Variants in C1orf162 observed in about 807,000 individuals in gnomAD.
The protein encoded by C1orf162 is transmembrane protein C1orf162.
Under a neutral mutation model 11.4 loss-of-function variants are expected in C1orf162, and 10 were observed. The ratio of observed to expected loss-of-function variants is 0.88; its 90% CI spans 0.54 to 1.48. The LOEUF is 1.48. Among genes scored for constraint, C1orf162 ranks in the 40% most tolerant of loss-of-function variants. The pLI, the probability that C1orf162 is intolerant of heterozygous loss-of-function variation, is 0.00. For synonymous variants in C1orf162, 53 were observed against 55.0 expected, an observed-to-expected ratio of 0.96 and a Z score of 0.16; for missense variants, 140 against 149.5, an observed-to-expected ratio of 0.94 and a Z score of 0.33.
chr1:111,476,960 C>T, intron 3 of C1orf162, 93 bp downstream of exon 3: 1 of 1,357,266 alleles, frequency 7.4e-7, no homozygotes. Flanking sequence ...GGCAGGGAGA[C>T]TGGGGAGAAA....
At chr1:111,476,254 C>T (rs1254269055) in intron 2 of C1orf162, among the ~76,000 whole-genome samples, 189 bp downstream of exon 2, 1 of 152,098 alleles carries the variant, frequency 6.6e-6, no homozygotes, top group African/African-American at 2.4e-5. Flanking sequence ...CTGCCTGGCC[C>T]TCCAAATCTG....
At chr1:111,476,192 C>T in intron 2 of C1orf162, 127 bp downstream of exon 2, 2 of 939,436 alleles carry the variant, frequency 2.1e-6, no homozygotes, top group Non-Finnish European at 3.4e-6. Flanking sequence ...TCCAATTTTA[C>T]CAGGACACAG....
Position 111,476,081 on chromosome 1 carries a change from G to T in C1orf162, c.37+16G>T. On this transcript the variant is annotated intron_variant, in intron 2 of 5. Coordinates refer to ENST00000369718, the MANE Select transcript of C1orf162 (RefSeq NM_001300834.2). ...CCCGACACTGGTGAGTTTACGACAG[G>T]AATAATTACCTGCCTCACGTCTGAG... is the stretch of plus-strand genomic sequence containing the variant. 1 of 1,609,666 alleles carries T rather than the reference G, an allele frequency of 6.2e-7. No homozygotes were observed. The highest frequency in any genetic ancestry group is 1.1e-5 in the South Asian group (1 of 90,956).
intron 4 of C1orf162, 61 bp downstream of exon 4, chr1:111,477,489 C>T: frequency 6.5e-7 from 1 of 1,536,330 alleles, no homozygotes; most frequent in South Asian, 1.1e-5. Context: ...CTAGAATTAG[C>T]TATGAGTGAG....
At chr1:111,477,009 C>A in intron 3 of C1orf162, 142 bp downstream of exon 3, 1 of 918,002 alleles carries the variant, frequency 1.1e-6, no homozygotes, top group Non-Finnish European at 1.7e-6. Context: ...AGTTTGTGAT[C>A]TCAGGAGTAT....
At chr1:111,476,110 A>C in intron 2 of C1orf162, 45 bp downstream of exon 2, 1 of 1,567,652 alleles carries the variant, frequency 6.4e-7, no homozygotes, top group Non-Finnish European at 8.8e-7. Flanking sequence ...GTCTGAGTTA[A>C]AATAACTAGA....
chr1:111,475,270 TATCTC>T (rs1653953110), intron 1 of C1orf162: 1 of 152,170 alleles, frequency 6.6e-6, no homozygotes, highest in African/African-American at 2.4e-5. Context: ...TAAAAAGAAA[TATCTC>T]AAGTAGCTTT....
intron 2 of C1orf162, 52 bp downstream of exon 2, chr1:111,476,117 T>G: frequency 6.4e-7 from 1 of 1,556,212 alleles, no homozygotes; most frequent in East Asian, 2.3e-5. Flanking sequence ...TTAAAATAAC[T>G]AGAAATTGTG....
chr1:111,478,037 T>A lies in C1orf162; in HGVS notation c.307T>A (p.Ser103Thr), dbSNP rs1372558797. 5.0e-6 allele frequency: 8 copies of A among 1,613,964 alleles called. No individual in the cohort carries two copies. ...LTYASTTFKL[S>T]EEKSNHLAEN... ...CTATGCCAGCACAACTTTCAAACTC[T>A]CAGAAGAAAAGAGCAATCACTTGGC... Residue 103 changes from serine (S) to threonine (T), a missense_variant, in exon 6 of 6, where the codon TCA becomes ACA. Coordinates refer to ENST00000369718, the MANE Select transcript of C1orf162 (RefSeq NM_001300834.2).
intron 3 of C1orf162, 185 bp downstream of exon 3, chr1:111,477,052 A>G: frequency 1.5e-6 from 1 of 680,530 alleles, no homozygotes; most frequent in Non-Finnish European, 2.5e-6. Flanking sequence ...AAGCTTCAAG[A>G]GATCCATGGA....
intron 3 of C1orf162, 185 bp downstream of exon 3, chr1:111,477,052 A>T: frequency 1.5e-6 from 1 of 680,530 alleles, no homozygotes; most frequent in South Asian, 1.8e-5. Flanking sequence ...AAGCTTCAAG[A>T]GATCCATGGA....
At chr1:111,477,164 C>G in intron 3 of C1orf162, 170 bp from the exon 4 acceptor site, 1 of 673,160 alleles carries the variant, frequency 1.5e-6, no homozygotes. Flanking sequence ...TCTGAGGCCT[C>G]AAATGGATGT....
chr1:111,477,773 A>G lies in C1orf162; in HGVS notation c.250A>G (p.Lys84Glu). The G allele has an allele frequency of 1.2e-6, 2 of 1,614,080 alleles. No individual in the cohort carries two copies. The highest frequency in any genetic ancestry group is 1.7e-6 in the Non-Finnish European group (2 of 1,179,990). ...AGATCCTCACTCAGATCCTCCAGCC[A>G]AGGTAAGATGACCACACTGTTTTGG... ...APDPHSDPPAKLSSIPGESLT... is the reference protein window; with the variant it reads ...APDPHSDPPAELSSIPGESLT... Residue 84 changes from lysine to glutamate, a missense_variant and splice_region_variant, in exon 5 of 6, where the codon AAG (lysine) becomes GAG (glutamate). Transcript: ENST00000369718.
At chr1:111,476,206 T>G in intron 2 of C1orf162, 141 bp downstream of exon 2, 1 of 860,586 alleles carries the variant, frequency 1.2e-6, no homozygotes, top group Non-Finnish European at 1.9e-6. Flanking sequence ...GACACAGAAT[T>G]TAATGCCAGG....
At chr1:111,476,984 T>C in intron 3 of C1orf162, 117 bp downstream of exon 3, 1 of 1,141,680 alleles carries the variant, frequency 8.8e-7, no homozygotes, top group East Asian at 2.4e-5. Flanking sequence ...CTAGAAACAG[T>C]AAAAGAACAA....
rs1654062358 is a variant in C1orf162 at position 111,478,103 on chromosome 1, CAAATT to C, written c.377_381del (p.Ile126SerfsTer10). 3.1e-6 allele frequency: 5 copies of C among 1,614,064 alleles called. No individual in the cohort carries two copies. Among genetic ancestry groups the C allele is most frequent in the African/African-American group, 1.3e-5 (1 of 74,936 alleles). ...AGACTTTGACCCCATTGTCTATGCT[CAAATT>C]AAAGTAACAAACTAACTCAGCTTTT... On this transcript the variant is annotated frameshift_variant, in exon 6 of 6. Coordinates refer to ENST00000369718, the MANE Select transcript of C1orf162 (RefSeq NM_001300834.2). LOFTEE classifies it high-confidence loss of function.
At position 111,477,467 on chromosome 1, in the gene C1orf162, C is replaced by G. The variant is rs776337869; in HGVS notation, c.202+39C>G. 1.9e-6 allele frequency: 3 copies of G among 1,564,854 alleles called. No individual in the cohort carries two copies. The Admixed American group carries it at 5.0e-5, about 26-fold the overall frequency. On this transcript the variant is annotated intron_variant, in intron 4 of 5. Transcript: ENST00000369718. Reference sequence around the variant, plus strand: ...AAGGGATAGGACAGCCCTTCTCTCTCTGCCATTGATACTAGAATTAGCTAT... The same window carrying G: ...AAGGGATAGGACAGCCCTTCTCTCTGTGCCATTGATACTAGAATTAGCTAT...
intron 1 of C1orf162, 113 bp from the exon 2 acceptor site, chr1:111,475,905 A>G (rs751524699): frequency 1.3e-6 from 1 of 768,302 alleles, no homozygotes; most frequent in East Asian, 2.7e-5. Flanking sequence ...TAGAACACCC[A>G]CAAATTGCCT....
At chr1:111,474,269 G>C (rs1653923764) in intron 1 of C1orf162, among the ~76,000 whole-genome samples, 1 of 152,228 alleles carries the variant, frequency 6.6e-6, no homozygotes, top group Non-Finnish European at 1.5e-5. Context: ...TCTGCCAACT[G>C]TTTGGGTTGT....
Sources: gnomAD v4.1 joint callset for allele counts (sites outside exome capture counted in the v4.1 genomes callset) on GRCh38, gnomAD v4.1.1 for gene constraint, MANE v1.5 for transcripts, NCBI Gene and HGNC (gene_info 2026-07-23, HGNC 2026-07-21) for gene names.